ABCB8: variants seen among roughly 807,000 people sequenced by gnomAD.
ABCB8 encodes the protein mitochondrial potassium channel ATP-binding subunit.
Under a neutral mutation model 73.0 loss-of-function variants are expected in ABCB8, and 52 were observed. The ratio of observed to expected loss-of-function variants is 0.71; its 90% CI spans 0.57 to 0.90. The LOEUF (loss-of-function observed/expected upper bound fraction) is 0.90, where lower values mean the gene tolerates loss of function less well. ABCB8 is among the 40% of genes least tolerant of loss of function. ABCB8 has a pLI of 0.00. For synonymous variants in ABCB8, 428 were observed against 423.5 expected, an observed-to-expected ratio of 1.01 and a Z score of -0.13; for missense variants, 909 against 974.6, an observed-to-expected ratio of 0.93 and a Z score of 0.90.
chr7:151,036,658 G>T lies in ABCB8; in HGVS notation c.1217+9G>T. The T allele has an allele frequency of 1.3e-6, 2 of 1,588,752 alleles. No individual in the cohort carries two copies. Among genetic ancestry groups the T allele is most frequent in the East Asian group, 4.5e-5 (2 of 44,568 alleles). Reference sequence around the variant, plus strand: ...TCCCAGACAGTGCAAAGGTAAGTGGGGGCCGTTCCCATTGCTACAGAGCCC... The same window carrying T: ...TCCCAGACAGTGCAAAGGTAAGTGGTGGCCGTTCCCATTGCTACAGAGCCC... On this transcript the variant is annotated intron_variant, in intron 9 of 15. Transcript: ENST00000358849.
chr7:151,042,184 C>A (rs1796486791), intron 14 of ABCB8, 76 bp downstream of exon 14: 1 of 1,579,670 alleles, frequency 6.3e-7, no homozygotes, highest in African/African-American at 1.3e-5. Flanking sequence ...GTGAGCAGCC[C>A]AGTGGGACTG....
Position 151,033,616 on chromosome 7 carries a change from G to A in ABCB8, c.107G>A (p.Gly36Asp). Residue 36 changes from glycine to aspartate, a missense_variant, in exon 2 of 16, where the codon GGC becomes GAC. Physicochemically the swap from Gly to Asp is moderately conservative, Grantham distance 94. Coordinates refer to ENST00000358849, the MANE Select transcript of ABCB8 (RefSeq NM_007188.5). ...QTFSAVRYSD[G>D]YRSSSLLRAV... Reference sequence around the variant, plus strand: ...CTCTCTCCTTACAGGTACTCTGATGGCTACCGCAGCTCCTCCCTCCTCCGG... The same window carrying A: ...CTCTCTCCTTACAGGTACTCTGATGACTACCGCAGCTCCTCCCTCCTCCGG... 1.3e-6 allele frequency: 2 copies of A among 1,575,190 alleles called. No individual in the cohort carries two copies. The highest frequency in any genetic ancestry group is 2.3e-5 in the South Asian group (2 of 85,988).
Position 151,028,683 on chromosome 7 carries a change from G to T in ABCB8, c.95+73G>T. On this transcript the variant is annotated intron_variant, in intron 1 of 15. Transcript: ENST00000358849. The stretch of plus-strand genomic sequence containing the variant: ...GGGCAGTGCCGGCCCGCCGGGAGAT[G>T]GAGTCCACGAGCTTGCGCGAGGCTT... 5.1e-6 allele frequency: 8 copies of T among 1,574,358 alleles called. No homozygotes were observed. The South Asian group carries it at 9.2e-5, about 18-fold the overall frequency.
At chr7:151,029,985 C>T (rs139047273) in intron 1 of ABCB8, among the ~76,000 whole-genome samples, 183 of 152,238 alleles carry the variant, frequency 1.2e-3, no homozygotes, top group African/African-American at 4.0e-3. Context: ...CTCTTGGCAA[C>T]GACCAAGACT....
chr7:151,034,895 G>T, intron 5 of ABCB8, 66 bp downstream of exon 5: 1 of 1,415,756 alleles, frequency 7.1e-7, no homozygotes, highest in Non-Finnish European at 9.8e-7. Flanking sequence ...CACCAGGCCA[G>T]CCCTGCCCGC....
At chr7:151,028,889 G>T in intron 1 of ABCB8, 4 of 1,491,354 alleles carry the variant, frequency 2.7e-6, no homozygotes, top group South Asian at 1.2e-5. Flanking sequence ...CCCGACCGGG[G>T]GTCCCCTTTC....
rs1461284380 is a variant in ABCB8 at position 151,047,442 on chromosome 7, C to CT, written c.*2094dup. Reference sequence around the variant, plus strand: ...GCTCTGGGGAGCTGGTACGCCTGTGCTGTAACCATGGTACTCAGTCCTTCC... The same window carrying CT: ...GCTCTGGGGAGCTGGTACGCCTGTGCTTGTAACCATGGTACTCAGTCCTTCC... On this transcript the variant is annotated 3_prime_UTR_variant, in exon 16 of 16. Coordinates refer to ENST00000358849, the MANE Select transcript of ABCB8 (RefSeq NM_007188.5). 2.0e-5 allele frequency: 3 copies of CT among 152,256 alleles called. No individual in the cohort carries two copies. Among genetic ancestry groups the CT allele is most frequent in the Non-Finnish European group, 2.9e-5 (2 of 68,064 alleles). 9.4% of individuals were successfully genotyped at this position (152,256 alleles called of 1,614,324 possible).
At chr7:151,038,178 G>C (rs1378375151) in intron 9 of ABCB8, 1 of 152,550 alleles carries the variant, frequency 6.6e-6, no homozygotes, top group Non-Finnish European at 1.5e-5. Context: ...CTTGACCAGA[G>C]TTTTGGCCTC....
Position 151,036,699 on chromosome 7 carries a change from A to G in ABCB8, c.1217+50A>G, listed in dbSNP as rs779078406. On this transcript the variant is annotated intron_variant, in intron 9 of 15. Coordinates refer to ENST00000358849, the MANE Select transcript of ABCB8 (RefSeq NM_007188.5). ...TACAGAGCCCCCTGCCGCCCTCCAG[A>G]GCCCTGCTGGGTTAGGGGACACGGG... is the stretch of plus-strand genomic sequence containing the variant. 6.0e-6 allele frequency: 9 copies of G among 1,488,008 alleles called. No homozygotes were observed. In the South Asian group the frequency reaches 1.1e-4, roughly 18 times the overall value. 92.2% of individuals were successfully genotyped at this position (1,488,008 alleles called of 1,614,324 possible). A position where few individuals can be genotyped will look rare whatever the true frequency, so the allele number is the denominator to read the frequency against.
rs754747368 is a variant in ABCB8, at chr7:151,045,250, C to T, written c.2058C>T (p.Tyr686=). The T allele has an allele frequency of 7.5e-6, 12 of 1,602,842 alleles. No homozygotes were observed. Among genetic ancestry groups the T allele is most frequent in the East Asian group, 4.6e-5 (2 of 43,590 alleles). The change falls in exon 16 of 16, where the codon TAC becomes TAT. Residue 686 remains tyrosine (Y), a synonymous_variant. Transcript: ENST00000358849. ...AGCTCCTGAAGAAAGGCGGGCTATA[C>T]GCCGAGCTCATCCGGAGGCAGGCCC... is the stretch of plus-strand genomic sequence containing the variant. ...HEELLKKGGL[Y]AELIRRQALD...
chr7:151,034,647 G>GGGTC, intron 4 of ABCB8, 48 bp downstream of exon 4: 1 of 1,612,740 alleles, frequency 6.2e-7, no homozygotes, highest in Middle Eastern at 1.7e-4. Context: ...ATGGCCTGAG[G>GGGTC]GGTCTGGGGG....
chr7:151,037,010 G>A (rs1796328460), intron 9 of ABCB8: 5 of 687,026 alleles, frequency 7.3e-6, no homozygotes, highest in Non-Finnish European at 1.1e-5. Flanking sequence ...GGCAGTGGGT[G>A]CACTCACATT....
rs562169185 is a variant in ABCB8, at chr7:151,040,525, C to T, written c.1279C>T (p.Arg427Trp). Residue 427 changes from arginine to tryptophan, a missense_variant, in exon 11 of 16, where the codon CGG becomes TGG. Physicochemically the swap from Arg to Trp is moderately radical, Grantham distance 101. Coordinates refer to ENST00000358849, the MANE Select transcript of ABCB8 (RefSeq NM_007188.5). ...QVVRGLSAGARVFEYMALNPC... is the reference protein window; with the variant it reads ...QVVRGLSAGAWVFEYMALNPC... ...GGTCCGGGGGCTGAGTGCAGGTGCCCGGGTCTTTGAGTACATGGCCCTGAA... is the reference window on the plus strand; with the variant it reads ...GGTCCGGGGGCTGAGTGCAGGTGCCTGGGTCTTTGAGTACATGGCCCTGAA... The T allele has an allele frequency of 3.6e-5, 58 of 1,612,866 alleles. No individual in the cohort carries two copies. Among genetic ancestry groups the T allele is most frequent in the Non-Finnish European group, 4.8e-5 (57 of 1,179,480 alleles).
chr7:151,042,737 AGT>A (rs895817736), intron 14 of ABCB8, among the ~76,000 whole-genome samples: 3 of 152,196 alleles, frequency 2.0e-5, no homozygotes, highest in African/African-American at 7.2e-5. Flanking sequence ...TCTGTTGCAC[AGT>A]GTTTCAGCAC....
chr7:151,045,364 G>A lies in ABCB8; in HGVS notation c.*15G>A, dbSNP rs769604003. On this transcript the variant is annotated 3_prime_UTR_variant, in exon 16 of 16. Coordinates refer to ENST00000358849, the MANE Select transcript of ABCB8 (RefSeq NM_007188.5). ...ACAAGTCCTGAGAAGGGCCCCCTGA[G>A]GTGTGGTCGCTGCCAAGCATCAGTG... 3 of 1,516,686 alleles carry A rather than the reference G, an allele frequency of 2.0e-6. No homozygotes were observed. The East Asian group carries it at 7.5e-5, about 38-fold the overall frequency. 94.0% of individuals were successfully genotyped at this position (1,516,686 alleles called of 1,614,324 possible).
At chr7:151,036,471 G>A in intron 8 of ABCB8, 73 bp from the exon 9 acceptor site, 2 of 1,310,738 alleles carry the variant, frequency 1.5e-6, no homozygotes. Flanking sequence ...CTCCCAGTCA[G>A]CAGTGGCAGA....
At position 151,045,376 on chromosome 7, in the gene ABCB8, G is replaced by A; in HGVS notation, c.*27G>A. ...AAGGGCCCCCTGAGGTGTGGTCGCTGCCAAGCATCAGTGTTAGGGCTGGGG... is the reference window on the plus strand; with the variant it reads ...AAGGGCCCCCTGAGGTGTGGTCGCTACCAAGCATCAGTGTTAGGGCTGGGG... On this transcript the variant is annotated 3_prime_UTR_variant, in exon 16 of 16. Transcript: ENST00000358849. 1 of 1,499,866 alleles carries A rather than the reference G, an allele frequency of 6.7e-7. No individual in the cohort carries two copies. The highest frequency in any genetic ancestry group is 2.2e-5 in the Admixed American group (1 of 44,864). The allele number at this position is 1,499,866 out of a possible 1,614,324, so 92.9% of individuals were successfully genotyped here. A position where few individuals can be genotyped will look rare whatever the true frequency, so the allele number is the denominator to read the frequency against.
intron 5 of ABCB8, among the ~76,000 whole-genome samples, 200 bp downstream of exon 5, chr7:151,035,029 G>A (rs909049941): frequency 2.0e-5 from 3 of 152,218 alleles, no homozygotes; most frequent in African/African-American, 7.2e-5. Context: ...CCAAGGTCAG[G>A]ACAGGCTGCT....
In ABCB8 at chr7:151,033,891, C is replaced by T; in HGVS notation, c.382C>T (p.Leu128=). The T allele has an allele frequency of 1.2e-6, 2 of 1,606,578 alleles. No homozygotes were observed. Among genetic ancestry groups the T allele is most frequent in the Non-Finnish European group, 1.7e-6 (2 of 1,175,244 alleles). ...CTTCTGGCAGTTTCTGCACCCCCAC[C>T]TGCTGGTCCTGGGGGTAGCCGTCGT... ...KLFWQFLHPH[L]LVLGVAVVLA... The change falls in exon 2 of 16, where the codon CTG becomes TTG. Residue 128 remains leucine (L), a synonymous_variant. Coordinates refer to ENST00000358849, the MANE Select transcript of ABCB8 (RefSeq NM_007188.5).
Sources: gnomAD v4.1 joint callset for allele counts (sites outside exome capture counted in the v4.1 genomes callset) on GRCh38, gnomAD v4.1.1 for gene constraint, MANE v1.5 for transcripts, NCBI Gene and HGNC (gene_info 2026-07-23, HGNC 2026-07-21) for gene names.